UNC5D: variants seen among roughly 807,000 people sequenced by gnomAD.
UNC5D encodes netrin receptor UNC5D.
UNC5D carries 39 observed loss-of-function variants against 105.4 expected under a neutral mutation model. That is an observed-to-expected ratio of 0.37 (90% CI 0.29 to 0.48). UNC5D has a LOEUF of 0.48. Ranked by LOEUF, UNC5D falls within the 20% of genes least tolerant of loss-of-function variation. The pLI, the probability that UNC5D is intolerant of heterozygous loss-of-function variation, is 0.98. For missense variants in UNC5D, 991 were observed against 1,202.4 expected, an observed-to-expected ratio of 0.82 and a Z score of 2.60; for synonymous variants, 452 against 450.4, an observed-to-expected ratio of 1.00 and a Z score of -0.04.
chr8:35,740,068 C>A (rs376470180), intron 11 of UNC5D, among the ~76,000 whole-genome samples: 1 of 152,122 alleles, frequency 6.6e-6, no homozygotes, highest in Non-Finnish European at 1.5e-5. Context: ...GAACAGATAC[C>A]TTGGTTGGAT....
intron 1 of UNC5D, among the ~76,000 whole-genome samples, chr8:35,241,226 TTTAA>T (rs1802784737): frequency 6.6e-6 from 1 of 152,246 alleles, no homozygotes; most frequent in Admixed American, 6.5e-5. Context: ...GAAAAGAACT[TTTAA>T]TTGTTTGTGC....
chr8:35,376,546 A>G (rs559357764), intron 1 of UNC5D, among the ~76,000 whole-genome samples: 2 of 152,296 alleles, frequency 1.3e-5, no homozygotes, highest in Admixed American at 1.3e-4. Context: ...TAGAGCGAGA[A>G]TGGAGGAGCA....
intron 1 of UNC5D, among the ~76,000 whole-genome samples, chr8:35,421,103 G>C (rs1490728542): frequency 6.6e-6 from 1 of 152,046 alleles, no homozygotes; most frequent in Non-Finnish European, 1.5e-5. Context: ...TACCTCTTCT[G>C]TGCCCATATC....
rs563395669 is a variant in UNC5D at position 35,461,202 on chromosome 8, T to TGG, written c.104-88088_104-88087dup. Among the ~76,000 whole-genome samples the TGG allele has an allele frequency of 4.7e-4, 72 of 152,290 alleles. 1 individual carries two copies. In the South Asian group the frequency reaches 9.3e-3, roughly 20 times the overall value. ...TCATAGTCTTTCCCAGGAACGGTGA[T>TGG]GGGTGAGTTGGTTAGGGAACGGACA... On this transcript the variant is annotated intron_variant, in intron 1 of 16. Transcript: ENST00000404895.
At chr8:35,526,346 A>G (rs183614289) in intron 1 of UNC5D, among the ~76,000 whole-genome samples, 3 of 152,264 alleles carry the variant, frequency 2.0e-5, no homozygotes, top group Non-Finnish European at 4.4e-5. Context: ...CACTGCAGCT[A>G]TAATAATAGT....
intron 1 of UNC5D, among the ~76,000 whole-genome samples, chr8:35,265,341 T>G (rs951852184): frequency 1.3e-5 from 2 of 152,136 alleles, no homozygotes; most frequent in African/African-American, 4.8e-5. Flanking sequence ...GACAAGCTTT[T>G]TCTGTAAAAA....
chr8:35,601,473 A>C (rs898982278), intron 4 of UNC5D, among the ~76,000 whole-genome samples: 4 of 152,030 alleles, frequency 2.6e-5, no homozygotes, highest in Non-Finnish European at 4.4e-5. Flanking sequence ...CTTTGATTTC[A>C]TTGAGCAGTG....
chr8:35,499,642 A>G lies in UNC5D; in HGVS notation c.104-49650A>G, dbSNP rs560942008. Among the ~76,000 whole-genome samples the G allele has an allele frequency of 5.9e-5, 9 of 152,336 alleles. No homozygotes were observed. The South Asian group carries it at 1.7e-3, about 28-fold the overall frequency. On this transcript the variant is annotated intron_variant, in intron 1 of 16. Coordinates refer to ENST00000404895, the MANE Select transcript of UNC5D (RefSeq NM_080872.4). ...CCTTTGAAAGTTTTGGGTTTAATGT[A>G]GAAAAGCTTTATGAGAAGAGTAGCT... is the stretch of plus-strand genomic sequence containing the variant.
chr8:35,313,106 A>G (rs1344282209), intron 1 of UNC5D, among the ~76,000 whole-genome samples: 1 of 152,206 alleles, frequency 6.6e-6, no homozygotes, highest in Non-Finnish European at 1.5e-5. Context: ...ACTGGAGTAG[A>G]TATTAGCCAT....
intron 1 of UNC5D, among the ~76,000 whole-genome samples, chr8:35,334,275 A>T (rs973339363): frequency 2.0e-5 from 3 of 152,174 alleles, no homozygotes; most frequent in Non-Finnish European, 4.4e-5. Flanking sequence ...ATCAAAACTA[A>T]AATTGTCCCT....
intron 4 of UNC5D, among the ~76,000 whole-genome samples, chr8:35,650,103 T>C (rs998507199): frequency 6.6e-6 from 1 of 152,100 alleles, no homozygotes; most frequent in African/African-American, 2.4e-5. Context: ...AATAAAAATG[T>C]GTATTGAAAC....
chr8:35,594,260 G>A (rs755874058), intron 3 of UNC5D, among the ~76,000 whole-genome samples: 31 of 152,206 alleles, frequency 2.0e-4, no homozygotes, highest in Admixed American at 4.6e-4. Context: ...AAAGCATTAA[G>A]AGTAAAATTC....
chr8:35,594,159 G>T (rs577589492), intron 3 of UNC5D, among the ~76,000 whole-genome samples: 1 of 152,248 alleles, frequency 6.6e-6, no homozygotes, highest in African/African-American at 2.4e-5. Context: ...AGTTCAAGTT[G>T]TTTTAAGATC....
chr8:35,711,487 C>T (rs1294641421), intron 8 of UNC5D, among the ~76,000 whole-genome samples: 1 of 152,058 alleles, frequency 6.6e-6, no homozygotes, highest in African/African-American at 2.4e-5. Context: ...CCCCAGCTTT[C>T]TTTTCTTTAT....
chr8:35,443,633 C>A (rs1332869866), intron 1 of UNC5D, among the ~76,000 whole-genome samples: 1 of 151,826 alleles, frequency 6.6e-6, no homozygotes, highest in Non-Finnish European at 1.5e-5. Flanking sequence ...TATTTCAGAT[C>A]GTTGCCTGCC....
chr8:35,569,168 A>G (rs1019652422), intron 3 of UNC5D, among the ~76,000 whole-genome samples: 2 of 152,162 alleles, frequency 1.3e-5, no homozygotes, highest in Non-Finnish European at 2.9e-5. Context: ...TATAATTTTA[A>G]AAAAGTTTCA....
intron 4 of UNC5D, among the ~76,000 whole-genome samples, chr8:35,599,078 G>C (rs1343869915): frequency 6.8e-6 from 1 of 147,944 alleles, no homozygotes; most frequent in Non-Finnish European, 1.5e-5. Context: ...GGGAGGTAGA[G>C]GTTGCAGTGA....
chr8:35,553,169 A>C (rs1371047181), intron 2 of UNC5D, among the ~76,000 whole-genome samples: 1 of 152,212 alleles, frequency 6.6e-6, no homozygotes, highest in East Asian at 1.9e-4. Context: ...TTCTCATATA[A>C]AGACCTCTTG....
At chr8:35,548,157 C>A (rs1815837571) in intron 1 of UNC5D, among the ~76,000 whole-genome samples, 1 of 152,148 alleles carries the variant, frequency 6.6e-6, no homozygotes, top group South Asian at 2.1e-4. Context: ...CATTTGACAA[C>A]ACCCTCACAG....
Sources: allele counts gnomAD v4.1 joint callset (sites outside exome capture counted in the v4.1 genomes callset), GRCh38; gene constraint gnomAD v4.1.1; transcripts MANE v1.5; gene names NCBI Gene and HGNC (gene_info 2026-07-23, HGNC 2026-07-21).